SEC31A: variants seen among roughly 807,000 people sequenced by gnomAD.
SEC31A encodes the protein protein transport protein Sec31A.
In SEC31A, 70 loss-of-function variants were observed where a neutral mutation model predicts 151.0. The observed-to-expected ratio is 0.46, with a 90% CI of 0.38 to 0.57. The LOEUF (loss-of-function observed/expected upper bound fraction) is 0.57, where lower values mean the gene tolerates loss of function less well. SEC31A is among the 20% of genes least tolerant of loss of function. The probability of loss-of-function intolerance (pLI) is 0.00; values close to 1 mark genes in which losing one functional copy is unlikely to be tolerated. For synonymous variants in SEC31A, 475 were observed against 505.9 expected (o/e 0.94, Z 0.82); for missense variants, 1,330 against 1,471.2 (o/e 0.90, Z 1.57).
Position 82,849,613 on chromosome 4 carries a change from C to CAA in SEC31A, c.2329-638_2329-637dup, listed in dbSNP as rs5859835. ...TGGGCGACAGAGCAAGAATCCGTCT[C>CAA]AAAAAAAAAAAAAAAAAACTATAAC... On this transcript the variant is annotated intron_variant, in intron 19 of 26. Coordinates refer to ENST00000395310, the MANE Select transcript of SEC31A (RefSeq NM_001077207.4). 8.9e-3 allele frequency among the ~76,000 whole-genome samples: 966 copies of CAA among 108,868 alleles called. 26 individuals are homozygous for CAA. Among genetic ancestry groups the CAA allele is most frequent in the African/African-American group, 0.018 (483 of 27,160 alleles). The allele number at this position is 108,868 out of a possible 152,430, so 71.4% of individuals were successfully genotyped here.
At chr4:82,896,107 T>C (rs370407891), upstream of SEC31A, among the ~76,000 whole-genome samples, 3 of 152,350 alleles carry the variant, frequency 2.0e-5, no homozygotes, top group East Asian at 5.8e-4. Context: ...TAACCTGCTA[T>C]ACATCTGACA....
chr4:82,848,513 T>C (rs1469227079), intron 20 of SEC31A, among the ~76,000 whole-genome samples: 2 of 152,166 alleles, frequency 1.3e-5, no homozygotes, highest in East Asian at 3.8e-4. Context: ...ATTTTAATAG[T>C]AGATGTACAT....
chr4:82,867,571 G>A (rs956614771), intron 8 of SEC31A, among the ~76,000 whole-genome samples: 1 of 152,090 alleles, frequency 6.6e-6, no homozygotes, highest in Non-Finnish European at 1.5e-5. Context: ...AAAAACTGAG[G>A]CTTTTCTGTG....
rs1266019540 is a variant in SEC31A at position 82,875,822 on chromosome 4, T to A, written c.403A>T (p.Thr135Ser). Residue 135 changes from threonine to serine, a missense_variant and splice_region_variant, in exon 5 of 27, where the codon ACT becomes TCT. By Grantham distance (58) the Thr-to-Ser change is moderately conservative. Coordinates refer to ENST00000395310, the MANE Select transcript of SEC31A (RefSeq NM_001077207.4). The stretch of plus-strand genomic sequence containing the variant: ...TTAGCACCAGAAGCTACCAGATTAG[T>A]CTGCAAGAAGAAACCATAACTAAAT... ...VRALDVNIFQ[T>S]NLVASGANES... 2.5e-6 allele frequency: 4 copies of A among 1,576,080 alleles called. No individual in the cohort carries two copies. The South Asian group carries it at 3.5e-5, about 14-fold the overall frequency.
At chr4:82,900,536 CG>C (rs1720274701) in exon 1 of SEC31A, 1 of 520,910 alleles carries the variant, frequency 1.9e-6, no homozygotes, top group Admixed American at 3.6e-5. Context: ...CCCACTATTC[CG>C]CCTCCAACGC....
chr4:82,819,873 T>C (rs1722934000), intron 26 of SEC31A, among the ~76,000 whole-genome samples: 1 of 152,086 alleles, frequency 6.6e-6, no homozygotes, highest in Non-Finnish European at 1.5e-5. Flanking sequence ...GCGATTCTCC[T>C]GCCTCAGCCT....
At chr4:82,888,482 G>A (rs1294295686) in intron 1 of SEC31A, among the ~76,000 whole-genome samples, 1 of 128,198 alleles carries the variant, frequency 7.8e-6, no homozygotes, top group East Asian at 2.3e-4. Flanking sequence ...ACGAGGTCAA[G>A]ACATCCAGAT....
At chr4:82,829,771 A>G (rs1725502883) in intron 22 of SEC31A, among the ~76,000 whole-genome samples, 1 of 152,206 alleles carries the variant, frequency 6.6e-6, no homozygotes, top group Admixed American at 6.5e-5. Context: ...CACACTAACA[A>G]ATCAAAAAGC....
chr4:82,828,857 A>G (rs1243673771), intron 23 of SEC31A, 143 bp downstream of exon 23: 3 of 561,516 alleles, frequency 5.3e-6, no homozygotes, highest in Non-Finnish European at 9.7e-6. Flanking sequence ...CATGGATTAG[A>G]AGGTGCATGT....
intron 2 of SEC31A, 68 bp from the exon 3 acceptor site, chr4:82,880,990 G>T: frequency 1.5e-6 from 2 of 1,347,168 alleles, no homozygotes; most frequent in Non-Finnish European, 2.1e-6. Flanking sequence ...ATACAAAACA[G>T]AAGTTAAAAG....
chr4:82,892,725 C>T (rs1719878125), upstream of SEC31A, among the ~76,000 whole-genome samples: 1 of 141,242 alleles, frequency 7.1e-6, no homozygotes, highest in African/African-American at 2.8e-5. Context: ...TCATGATGCA[C>T]ATCTTTTTTT....
intron 10 of SEC31A, among the ~76,000 whole-genome samples, chr4:82,866,461 A>C: frequency 6.6e-6 from 1 of 151,964 alleles, no homozygotes; most frequent in East Asian, 1.9e-4. Context: ...ACAGAGTGAG[A>C]CTGTCTCAAA....
In SEC31A at chr4:82,853,686, C is replaced by A; in HGVS notation, c.2038G>T (p.Gly680Ter). 6.2e-7 allele frequency: 1 copy of A among 1,600,460 alleles called. No homozygotes were observed. The highest frequency in any genetic ancestry group is 8.5e-7 in the Non-Finnish European group (1 of 1,176,726). Residue 680 changes from glycine to a stop codon, truncating the protein, a stop_gained, in exon 18 of 27, where the codon GGA (glycine) becomes TGA (stop). Transcript: ENST00000395310. LOFTEE classifies it high-confidence loss of function. ...GCTTGAGTCTGCAGGAGGCTATCTC[C>A]TTCATTTTCAAGCCTGGTTCCCAAA... ...DLLGTRLENE[G>*]DSLLQTQACL...
At chr4:82,826,590 T>C (rs962157055) in intron 24 of SEC31A, among the ~76,000 whole-genome samples, 6 of 152,204 alleles carry the variant, frequency 3.9e-5, no homozygotes, top group Non-Finnish European at 7.3e-5. Context: ...TGACCTCAGG[T>C]GATCCACCCG....
intron 3 of SEC31A, among the ~76,000 whole-genome samples, chr4:82,898,938 T>TA (rs200444133): frequency 0.028 from 4,038 of 146,512 alleles, 189 homozygotes; most frequent in African/African-American, 0.093. Flanking sequence ...TTCATAATAG[T>TA]AAAAAAAAAA....
intron 22 of SEC31A, among the ~76,000 whole-genome samples, chr4:82,829,890 A>G (rs1012362632): frequency 8.5e-5 from 13 of 152,238 alleles, no homozygotes; most frequent in Admixed American, 7.2e-4. Flanking sequence ...AATAAGAATA[A>G]TTTCTAAATC....
At chr4:82,854,734 G>A (rs1391357735) in intron 17 of SEC31A, among the ~76,000 whole-genome samples, 169 bp downstream of exon 17, 1 of 151,372 alleles carries the variant, frequency 6.6e-6, no homozygotes, top group Admixed American at 6.6e-5. Flanking sequence ...AAAAAGAGTA[G>A]GTATGAAGAC....
At chr4:82,856,160 T>G (rs922151878) in intron 16 of SEC31A, among the ~76,000 whole-genome samples, 45 of 151,106 alleles carry the variant, frequency 3.0e-4, no homozygotes, top group South Asian at 4.2e-4. Flanking sequence ...AAATTTTGGG[T>G]TTTTTTTTGA....
chr4:82,856,623 C>T (rs1192340262), intron 16 of SEC31A, among the ~76,000 whole-genome samples: 1 of 151,872 alleles, frequency 6.6e-6, no homozygotes, highest in East Asian at 2.0e-4. Context: ...TGGTGGCGGA[C>T]GCCTGTAATC....
Sources: gnomAD v4.1 joint callset for allele counts (sites outside exome capture counted in the v4.1 genomes callset) on GRCh38, gnomAD v4.1.1 for gene constraint, MANE v1.5 for transcripts, NCBI Gene and HGNC (gene_info 2026-07-23, HGNC 2026-07-21) for gene names.